Variants in NPAS3 observed in about 807,000 individuals in gnomAD.
NPAS3 encodes neuronal PAS domain protein 3.
In NPAS3, 14 loss-of-function variants were observed where a neutral mutation model predicts 73.1. The ratio of observed to expected loss-of-function variants is 0.19; its 90% confidence interval spans 0.13 to 0.30. NPAS3 has a LOEUF of 0.30. Ranked by LOEUF, NPAS3 falls within the 10% of genes least tolerant of loss-of-function variation. The probability of loss-of-function intolerance (pLI) is 1.00; values close to 1 mark genes in which losing one functional copy is unlikely to be tolerated. For synonymous variants in NPAS3, 620 were observed against 541.5 expected (o/e 1.14, Z -2.01); for missense variants, 1,096 against 1,250.0 (o/e 0.88, Z 1.86).
At chr14:33,150,012 C>T (rs982605615) in intron 2 of NPAS3, among the ~76,000 whole-genome samples, 1 of 152,114 alleles carries the variant, frequency 6.6e-6, no homozygotes, top group Non-Finnish European at 1.5e-5. Context: ...GTTCAACTCC[C>T]ATTTATGAGT....
chr14:32,951,494 A>G (rs1366978740), intron 1 of NPAS3, among the ~76,000 whole-genome samples: 1 of 152,124 alleles, frequency 6.6e-6, no homozygotes, highest in Non-Finnish European at 1.5e-5. Flanking sequence ...AGGACTTTGC[A>G]ATGGAAGCAA....
At chr14:32,976,602 A>AT (rs2037688796) in intron 1 of NPAS3, among the ~76,000 whole-genome samples, 1 of 152,200 alleles carries the variant, frequency 6.6e-6, no homozygotes, top group Non-Finnish European at 1.5e-5. Context: ...GCCAAAATCC[A>AT]TATCTCTTTC....
intron 7 of NPAS3, among the ~76,000 whole-genome samples, chr14:33,748,107 A>T (rs1958049): frequency 0.061 from 9,310 of 152,278 alleles, 940 homozygotes; most frequent in African/African-American, 0.21. Flanking sequence ...TTTGTTTTTT[A>T]AAAAATGAAT....
chr14:32,975,591 T>C (rs1156228957), intron 1 of NPAS3, among the ~76,000 whole-genome samples: 1 of 152,224 alleles, frequency 6.6e-6, no homozygotes, highest in Non-Finnish European at 1.5e-5. Context: ...GGAAACATCT[T>C]TGCTATCTTT....
intron 4 of NPAS3, among the ~76,000 whole-genome samples, chr14:33,442,161 G>C (rs968648800): frequency 6.6e-6 from 1 of 152,112 alleles, no homozygotes; most frequent in African/African-American, 2.4e-5. Context: ...CTAAATCCTT[G>C]ATCTAAAAAT....
intron 3 of NPAS3, among the ~76,000 whole-genome samples, chr14:33,319,857 G>T (rs1475960852): frequency 6.6e-6 from 1 of 152,130 alleles, no homozygotes; most frequent in East Asian, 1.9e-4. Context: ...GATACATTAT[G>T]AACTTTTTGT....
chr14:33,595,734 G>A (rs1350754568), intron 5 of NPAS3, among the ~76,000 whole-genome samples: 4 of 152,090 alleles, frequency 2.6e-5, no homozygotes, highest in Non-Finnish European at 5.9e-5. Context: ...GCAGTGGCGC[G>A]TTCTCGGCTC....
intron 5 of NPAS3, among the ~76,000 whole-genome samples, chr14:33,622,506 T>A (rs1379175078): frequency 6.6e-6 from 1 of 152,084 alleles, no homozygotes; most frequent in Non-Finnish European, 1.5e-5. Context: ...ATGAGAAAAT[T>A]AAAAAGAAAT....
At chr14:33,267,276 T>C (rs966571889) in intron 3 of NPAS3, among the ~76,000 whole-genome samples, 5 of 152,214 alleles carry the variant, frequency 3.3e-5, no homozygotes, top group East Asian at 1.9e-4. Context: ...CTATATATTT[T>C]ATGGTGTGAA....
chr14:33,151,885 C>T (rs1184734354), intron 2 of NPAS3, among the ~76,000 whole-genome samples: 1 of 152,144 alleles, frequency 6.6e-6, no homozygotes, highest in African/African-American at 2.4e-5. Flanking sequence ...GCTACTAGTA[C>T]TCCTTTGGTA....
At chr14:33,578,427 C>CAGGTGAT in intron 5 of NPAS3, 1 of 349,354 alleles carries the variant, frequency 2.9e-6, no homozygotes, top group Non-Finnish European at 5.6e-6. Context: ...CTCAAAACCT[C>CAGGTGAT]AGGTGATCTG....
At position 33,446,421 on chromosome 14, in the gene NPAS3, C is replaced by T. The variant is rs374320105; in HGVS notation, c.468+79153C>T. ...CGATCTCCTGACCTCATGATCCACC[C>T]GCCTCGGCCTCCCAAAGTGCTGGGA... On this transcript the variant is annotated intron_variant, in intron 4 of 11. Transcript: ENST00000356141. Among the ~76,000 whole-genome samples the T allele has an allele frequency of 1.8e-4, 28 of 151,660 alleles. No homozygotes were observed. In the East Asian group the frequency reaches 4.7e-3, roughly 25 times the overall value.
At chr14:33,411,572 C>T (rs561089075) in intron 4 of NPAS3, among the ~76,000 whole-genome samples, 1 of 152,302 alleles carries the variant, frequency 6.6e-6, no homozygotes, top group Non-Finnish European at 1.5e-5. Flanking sequence ...CTCCAGTGCA[C>T]AGGACAGCCC....
chr14:32,982,779 G>A (rs1279210), intron 1 of NPAS3, among the ~76,000 whole-genome samples: 48,767 of 151,998 alleles, frequency 0.32, 8,261 homozygotes, highest in African/African-American at 0.44. Context: ...AGGAACAGAA[G>A]GAAGGTAAAA....
At chr14:33,619,501 G>A (rs898435116) in intron 5 of NPAS3, among the ~76,000 whole-genome samples, 2 of 152,052 alleles carry the variant, frequency 1.3e-5, no homozygotes, top group African/African-American at 4.8e-5. Context: ...GCACTATAAA[G>A]CAGTTTTCTT....
intron 2 of NPAS3, among the ~76,000 whole-genome samples, chr14:33,119,850 G>T (rs1377063983): frequency 6.6e-6 from 1 of 152,110 alleles, no homozygotes; most frequent in Non-Finnish European, 1.5e-5. Flanking sequence ...TCTAGTTAGA[G>T]GGTCAATAGA....
At chr14:33,784,752 T>TTTTTTTTTTTTTTTTTTTTA (rs2063111593) in intron 9 of NPAS3, among the ~76,000 whole-genome samples, 1 of 112,686 alleles carries the variant, frequency 8.9e-6, no homozygotes, top group Non-Finnish European at 1.8e-5. Flanking sequence ...TTTATTTTTT[T>TTTTTTTTTTTTTTTTTTTTA]TTTTTTTTTT....
intron 9 of NPAS3, among the ~76,000 whole-genome samples, chr14:33,782,832 G>GAAAAAAAAAAAAAAAAAAAAAAAAAA (rs1232834732): frequency 6.7e-6 from 1 of 149,394 alleles, no homozygotes; most frequent in Non-Finnish European, 1.5e-5. Flanking sequence ...TTAAAAAAAA[G>GAAAAAAAAAAAAAAAAAAAAAAAAAA]AAAAAAACAG....
At chr14:33,114,900 A>G (rs563000566) in intron 2 of NPAS3, among the ~76,000 whole-genome samples, 2 of 152,296 alleles carry the variant, frequency 1.3e-5, no homozygotes, top group East Asian at 1.9e-4. Flanking sequence ...AAGATGCAAA[A>G]ATGTATAATA....
Sources: allele counts gnomAD v4.1 joint callset (sites outside exome capture counted in the v4.1 genomes callset), GRCh38; gene constraint gnomAD v4.1.1; transcripts MANE v1.5; gene names NCBI Gene and HGNC (gene_info 2026-07-23, HGNC 2026-07-21).